The following ROR2 variants were observed in gnomAD, a reference collection of about 807,000 sequenced individuals.
ROR2 encodes tyrosine-protein kinase transmembrane receptor ROR2.
Under a neutral mutation model 74.9 loss-of-function variants are expected in ROR2, and 33 were observed. That is an observed-to-expected ratio of 0.44 (90% CI 0.33 to 0.59). The LOEUF is 0.59. Among genes scored for constraint, ROR2 ranks in the 20% least tolerant of loss-of-function variants. The pLI, the probability that ROR2 is intolerant of heterozygous loss-of-function variation, is 0.02. For missense variants in ROR2, 1,216 were observed against 1,313.8 expected (o/e 0.93, Z 1.15); for synonymous variants, 586 against 558.7 (o/e 1.05, Z -0.69).
chr9:91,758,148 C>T (rs1361019345), intron 2 of ROR2, among the ~76,000 whole-genome samples: 1 of 152,230 alleles, frequency 6.6e-6, no homozygotes, highest in African/African-American at 2.4e-5. Flanking sequence ...AGCAGACCAT[C>T]GCCTTGTTTA....
chr9:91,725,965 G>A (rs1231289556), intron 8 of ROR2, among the ~76,000 whole-genome samples: 3 of 152,180 alleles, frequency 2.0e-5, no homozygotes, highest in Admixed American at 6.5e-5. Flanking sequence ...TGTTACCTAC[G>A]GCTTGCAATG....
chr9:91,890,356 C>G (rs1032745706), intron 1 of ROR2, among the ~76,000 whole-genome samples: 8 of 152,140 alleles, frequency 5.3e-5, no homozygotes, highest in Admixed American at 5.2e-4. Flanking sequence ...TCCTGTAAAG[C>G]TTTTTCTTCA....
intron 1 of ROR2, among the ~76,000 whole-genome samples, chr9:91,913,190 G>GTA (rs1482500083): frequency 6.6e-6 from 1 of 151,684 alleles, no homozygotes; most frequent in Non-Finnish European, 1.5e-5. Flanking sequence ...GTATACAATG[G>GTA]TACTCTTTTT....
chr9:91,928,836 A>G (rs1831476056), intron 1 of ROR2, among the ~76,000 whole-genome samples: 1 of 152,260 alleles, frequency 6.6e-6, no homozygotes, highest in Non-Finnish European at 1.5e-5. Context: ...CAAGCTCCAC[A>G]GGAGAAAATG....
chr9:91,783,863 G>A (rs1335118784), intron 1 of ROR2, among the ~76,000 whole-genome samples: 1 of 152,020 alleles, frequency 6.6e-6, no homozygotes, highest in Non-Finnish European at 1.5e-5. Flanking sequence ...CACTGCCCAC[G>A]TCTGGATCTT....
chr9:91,763,313 C>T (rs995100263), intron 2 of ROR2, among the ~76,000 whole-genome samples: 1 of 152,170 alleles, frequency 6.6e-6, no homozygotes, highest in African/African-American at 2.4e-5. Flanking sequence ...ACATGTACCT[C>T]CGAACCTAAA....
chr9:91,914,410 T>C (rs1469087669), intron 1 of ROR2, among the ~76,000 whole-genome samples: 1 of 152,180 alleles, frequency 6.6e-6, no homozygotes, highest in African/African-American at 2.4e-5. Context: ...TTTTGGGCTG[T>C]ATTATGAAAG....
chr9:91,877,248 C>T (rs762455565), intron 1 of ROR2, among the ~76,000 whole-genome samples: 20 of 152,292 alleles, frequency 1.3e-4, no homozygotes, highest in Non-Finnish European at 1.9e-4. Flanking sequence ...GTCTCCTCTT[C>T]CCATCCCTCT....
intron 6 of ROR2, 34 bp from the exon 7 acceptor site, chr9:91,731,189 G>T: frequency 6.2e-7 from 1 of 1,613,270 alleles, no homozygotes; most frequent in South Asian, 1.1e-5. Flanking sequence ...AAAACCTCCG[G>T]GGTACAACAA....
At chr9:91,813,375 G>A (rs1311013921) in intron 1 of ROR2, among the ~76,000 whole-genome samples, 6 of 152,160 alleles carry the variant, frequency 3.9e-5, no homozygotes, top group Non-Finnish European at 8.8e-5. Flanking sequence ...TCTTGGTAAT[G>A]GAGGGCTCAT....
At chr9:91,726,806 A>G in intron 7 of ROR2, 63 bp from the exon 8 acceptor site, 1 of 1,528,098 alleles carries the variant, frequency 6.5e-7, no homozygotes, top group Non-Finnish European at 9.0e-7. Flanking sequence ...TAAGTTCTCT[A>G]CCAACCCACT....
rs1032943742 is a variant in ROR2 at position 91,754,171 on chromosome 9, A to C, written c.494+1900T>G. Among the ~76,000 whole-genome samples, 59 of 151,788 alleles carry C rather than the reference A, an allele frequency of 3.9e-4. 1 individual carries two copies. Among genetic ancestry groups the C allele is most frequent in the Non-Finnish European group, 1.2e-4 (8 of 67,948 alleles). On this transcript the variant is annotated intron_variant, in intron 4 of 8. Coordinates refer to ENST00000375708, the MANE Select transcript of ROR2 (RefSeq NM_004560.4). ...CATAACTTAAAGTGAGAAGAAAGTC[A>C]ATGTAAAAATATTGTGAAATAATTT...
chr9:91,870,156 A>G (rs1829753680), intron 1 of ROR2, among the ~76,000 whole-genome samples: 2 of 150,330 alleles, frequency 1.3e-5, no homozygotes. Flanking sequence ...CTGAAGACCC[A>G]AAAAGCCTAA....
At chr9:91,827,110 T>C (rs1012004983) in intron 1 of ROR2, among the ~76,000 whole-genome samples, 8 of 152,166 alleles carry the variant, frequency 5.3e-5, no homozygotes, top group African/African-American at 1.9e-4. Flanking sequence ...AAATTGAACT[T>C]CCTGCTACAT....
intron 1 of ROR2, among the ~76,000 whole-genome samples, chr9:91,850,631 C>G (rs1001662930): frequency 2.6e-5 from 4 of 152,230 alleles, no homozygotes; most frequent in African/African-American, 9.6e-5. Context: ...CCAGGCTAGA[C>G]TTCTGGCCTG....
chr9:91,918,192 C>T lies in ROR2; in HGVS notation c.97+31675G>A, dbSNP rs139975311. ...CTGAGGCAGGAGAATGGTGTGAATCCGGGAGGCGGAGCTTGCAGTGAGCTG... is the reference window on the plus strand; with the variant it reads ...CTGAGGCAGGAGAATGGTGTGAATCTGGGAGGCGGAGCTTGCAGTGAGCTG... On this transcript the variant is annotated intron_variant, in intron 1 of 8. Coordinates refer to ENST00000375708, the MANE Select transcript of ROR2 (RefSeq NM_004560.4). Among the ~76,000 whole-genome samples, 719 of 150,108 alleles carry T rather than the reference C, an allele frequency of 4.8e-3. 4 individuals carry two copies. The highest frequency in any genetic ancestry group is 0.016 in the African/African-American group (662 of 40,488).
intron 1 of ROR2, among the ~76,000 whole-genome samples, chr9:91,833,303 C>A (rs748319974): frequency 1.7e-4 from 26 of 152,182 alleles, no homozygotes; most frequent in Non-Finnish European, 5.9e-5. Context: ...CTGCTCTGCA[C>A]TTCTGCAACA....
At chr9:91,801,456 C>A (rs1160838977) in intron 1 of ROR2, among the ~76,000 whole-genome samples, 2 of 152,206 alleles carry the variant, frequency 1.3e-5, no homozygotes, top group Non-Finnish European at 2.9e-5. Context: ...CCTCAGCCTA[C>A]CGAACAGCTG....
Position 91,724,688 on chromosome 9 carries a change from C to T in ROR2, c.1806G>A (p.Gly602=), listed in dbSNP as rs1404664674. 1 of 1,614,060 alleles carries T rather than the reference C, an allele frequency of 6.2e-7. No individual in the cohort carries two copies. The highest frequency in any genetic ancestry group is 1.7e-5 in the Admixed American group (1 of 60,006). Residue 602 remains glycine (G), a synonymous_variant, in exon 9 of 9, where the codon GGG becomes GGA. Transcript: ENST00000375708. The stretch of plus-strand genomic sequence containing the variant: ...CGTGGTGGCTGGATAGGTACTCCAT[C>T]CCCGCCGCGATCTGTGCCACAAGGT... ...FVHLVAQIAA[G]MEYLSSHHVV...
Sources: gnomAD v4.1 joint callset for allele counts (sites outside exome capture counted in the v4.1 genomes callset) on GRCh38, gnomAD v4.1.1 for gene constraint, MANE v1.5 for transcripts, NCBI Gene and HGNC (gene_info 2026-07-23, HGNC 2026-07-21) for gene names.